Variants in LRRC49 observed in about 807,000 individuals in gnomAD.
The protein encoded by LRRC49 is leucine rich repeat containing 49.
Under a neutral mutation model 83.3 loss-of-function variants are expected in LRRC49, and 50 were observed. The observed-to-expected ratio is 0.60, with a 90% CI of 0.48 to 0.76. The LOEUF is 0.76. Ranked by LOEUF, LRRC49 falls within the 30% of genes least tolerant of loss-of-function variation. The pLI, the probability that LRRC49 is intolerant of heterozygous loss-of-function variation, is 0.00. For missense variants in LRRC49, 704 were observed against 809.1 expected (o/e 0.87, Z 1.58); for synonymous variants, 286 against 283.3 (o/e 1.01, Z -0.10).
At chr15:70,939,250 C>CT (rs1304183465) in intron 8 of LRRC49, among the ~76,000 whole-genome samples, 3 of 152,156 alleles carry the variant, frequency 2.0e-5, no homozygotes, top group Non-Finnish European at 4.4e-5. Flanking sequence ...GTCTGTACTG[C>CT]TTACTACAGC....
intron 14 of LRRC49, among the ~76,000 whole-genome samples, chr15:71,035,660 T>C (rs2039495384): frequency 6.6e-6 from 1 of 152,202 alleles, no homozygotes; most frequent in Non-Finnish European, 1.5e-5. Context: ...TTCATGTCCC[T>C]GCAAAGGACA....
chr15:70,866,705 T>G (rs1323967801), intron 1 of LRRC49, among the ~76,000 whole-genome samples: 1 of 152,156 alleles, frequency 6.6e-6, no homozygotes. Flanking sequence ...CTGGAGATAC[T>G]TAACCCATTG....
At chr15:70,857,363 GAGA>G (rs2032678854) in intron 1 of LRRC49, among the ~76,000 whole-genome samples, 1 of 152,152 alleles carries the variant, frequency 6.6e-6, no homozygotes, top group South Asian at 2.1e-4. Context: ...AAGCGTTGAA[GAGA>G]AGAAGAGTAG....
chr15:70,979,717 C>T (rs2037332650), intron 9 of LRRC49, among the ~76,000 whole-genome samples: 1 of 152,026 alleles, frequency 6.6e-6, no homozygotes, highest in Non-Finnish European at 1.5e-5. Context: ...CAGATCCAGT[C>T]AACATTGTTA....
chr15:70,931,696 T>A (rs2035414074), intron 7 of LRRC49, among the ~76,000 whole-genome samples: 1 of 152,206 alleles, frequency 6.6e-6, no homozygotes, highest in African/African-American at 2.4e-5. Context: ...TTTCTTAATT[T>A]TTTGGCATTT....
intron 8 of LRRC49, among the ~76,000 whole-genome samples, chr15:70,957,308 AATCT>A (rs1337159851): frequency 1.3e-5 from 2 of 152,192 alleles, no homozygotes; most frequent in African/African-American, 4.8e-5. Flanking sequence ...ATAAAATTAG[AATCT>A]ATCTATAATA....
In LRRC49 at chr15:71,008,712, T is replaced by C; in HGVS notation, c.1407+96T>C. ...TGTTTTAACTTGTATTTATGTAGTT[T>C]CTATCTGGCAGGAAGATTTAAGTTT... On this transcript the variant is annotated intron_variant, in intron 12 of 15. Coordinates refer to ENST00000260382, the MANE Select transcript of LRRC49 (RefSeq NM_017691.5). 4 of 801,416 alleles carry C rather than the reference T, an allele frequency of 5.0e-6. No homozygotes were observed. In the South Asian group the frequency reaches 7.6e-5, roughly 15 times the overall value. The allele number at this position is 801,416 out of a possible 1,614,324, so 49.6% of individuals were successfully genotyped here.
chr15:70,875,411 G>A (rs936630507), intron 2 of LRRC49, among the ~76,000 whole-genome samples: 1 of 152,152 alleles, frequency 6.6e-6, no homozygotes, highest in Non-Finnish European at 1.5e-5. Flanking sequence ...TGTGTCAGGT[G>A]CTGTTCTAAG....
At chr15:70,911,175 T>TA (rs2034535051) in intron 5 of LRRC49, among the ~76,000 whole-genome samples, 1 of 152,166 alleles carries the variant, frequency 6.6e-6, no homozygotes, top group African/African-American at 2.4e-5. Flanking sequence ...TGGTAGGAGA[T>TA]AAGGCTGGCT....
At chr15:70,887,575 T>C (rs1180093698), upstream of LRRC49, among the ~76,000 whole-genome samples, 1 of 152,068 alleles carries the variant, frequency 6.6e-6, no homozygotes, top group Admixed American at 6.5e-5. Context: ...TAATCTAAAC[T>C]AGAAATAAAG....
intron 2 of LRRC49, among the ~76,000 whole-genome samples, chr15:70,883,917 A>G (rs2033334865): frequency 6.6e-6 from 1 of 152,098 alleles, no homozygotes; most frequent in African/African-American, 2.4e-5. Context: ...CAGCCTCCCA[A>G]AGTGCTGGGA....
intron 8 of LRRC49, among the ~76,000 whole-genome samples, chr15:70,948,178 G>T (rs1369025168): frequency 6.6e-6 from 1 of 151,478 alleles, no homozygotes; most frequent in Non-Finnish European, 1.5e-5. Context: ...CCATCTGTCT[G>T]CCTGACCTAG....
chr15:70,975,364 G>A (rs557546594), intron 9 of LRRC49, among the ~76,000 whole-genome samples: 1 of 152,218 alleles, frequency 6.6e-6, no homozygotes, highest in South Asian at 2.1e-4. Context: ...TTATTTCTAA[G>A]GCAGCATTTT....
chr15:70,891,783 A>G, upstream of LRRC49: 1 of 1,414,512 alleles, frequency 7.1e-7, no homozygotes. Context: ...GGTGACACTA[A>G]GTGGAGGAGC....
chr15:70,956,147 A>G (rs1232899985), intron 8 of LRRC49, among the ~76,000 whole-genome samples: 5 of 152,314 alleles, frequency 3.3e-5, no homozygotes, highest in Non-Finnish European at 7.4e-5. Flanking sequence ...AATTTGACTG[A>G]TATTTAGGAA....
Position 70,892,890 on chromosome 15 carries a change from C to CT in LRRC49, c.-4dup. ...TCTAACAGAGAACCTGGACTGTCTC[C>CT]TATCATGATTCCCGGGAAATATCGC... On this transcript the variant is annotated 5_prime_UTR_variant, in exon 1 of 16. Coordinates refer to ENST00000260382, the MANE Select transcript of LRRC49 (RefSeq NM_017691.5). 2 of 1,614,220 alleles carry CT rather than the reference C, an allele frequency of 1.2e-6. No individual in the cohort carries two copies. Among genetic ancestry groups the CT allele is most frequent in the Non-Finnish European group, 1.7e-6 (2 of 1,180,042 alleles).
chr15:71,006,539 A>G (rs1224580468), intron 11 of LRRC49, among the ~76,000 whole-genome samples: 2 of 152,096 alleles, frequency 1.3e-5, no homozygotes, highest in Admixed American at 1.3e-4. Context: ...ACTATAGCTT[A>G]TGGTTCAAAC....
intron 5 of LRRC49, among the ~76,000 whole-genome samples, chr15:70,909,221 T>C (rs959677231): frequency 9.9e-5 from 15 of 152,212 alleles, no homozygotes; most frequent in African/African-American, 3.6e-4. Flanking sequence ...CTCAGACAAA[T>C]AGTAATCACA....
chr15:71,011,451 A>G (rs2038648444), intron 13 of LRRC49, among the ~76,000 whole-genome samples: 1 of 152,162 alleles, frequency 6.6e-6, no homozygotes, highest in Admixed American at 6.6e-5. Flanking sequence ...ATTAGAAAGA[A>G]TTAGAAAGAA....
Sources: gnomAD v4.1 joint callset for allele counts (sites outside exome capture counted in the v4.1 genomes callset) on GRCh38, gnomAD v4.1.1 for gene constraint, MANE v1.5 for transcripts, NCBI Gene and HGNC (gene_info 2026-07-23, HGNC 2026-07-21) for gene names.